MRNIP: variants seen among roughly 807,000 people sequenced by gnomAD.
MRNIP encodes the protein MRN complex interacting protein.
A neutral mutation model predicts 29.8 loss-of-function variants in MRNIP; 30 were observed. That is an observed-to-expected ratio of 1.01 (90% CI 0.75 to 1.36). The LOEUF is 1.36. Ranked by LOEUF, MRNIP falls within the 40% of genes most tolerant of loss-of-function variation. The probability of loss-of-function intolerance (pLI) is 0.00; values close to 1 mark genes in which losing one functional copy is unlikely to be tolerated. For synonymous variants in MRNIP, 201 were observed against 164.1 expected (o/e 1.23, Z -1.72); for missense variants, 459 against 423.5 (o/e 1.08, Z -0.74).
At chr5:179,856,623 A>C (rs1010459067) in intron 1 of MRNIP, among the ~76,000 whole-genome samples, 5 of 152,084 alleles carry the variant, frequency 3.3e-5, no homozygotes, top group Non-Finnish European at 7.4e-5. Context: ...GATGCGCGCC[A>C]CTACATCTAG....
rs13154890 is a variant in MRNIP at position 179,849,594 on chromosome 5, C to G, written c.127-1528G>C. Reference sequence around the variant, plus strand: ...GGTCCTGCTATGGCACAGGCAGATGCTACGAGACGGAATTTGAGAGCATGG... The same window carrying G: ...GGTCCTGCTATGGCACAGGCAGATGGTACGAGACGGAATTTGAGAGCATGG... On this transcript the variant is annotated intron_variant, in intron 2 of 6. Transcript: ENST00000292586. Among the ~76,000 whole-genome samples the G allele has an allele frequency of 5.9e-3, 416 of 71,040 alleles. No homozygotes were observed. In the Middle Eastern group the frequency reaches 0.064, roughly 11 times the overall value. 46.6% of individuals were successfully genotyped at this position (71,040 alleles called of 152,430 possible).
chr5:179,847,403 C>G (rs773141986), intron 3 of MRNIP: 1 of 152,616 alleles, frequency 6.6e-6, no homozygotes, highest in African/African-American at 2.4e-5. Context: ...CTCCTGACCT[C>G]GTGATCTGCC....
Position 179,848,183 on chromosome 5 carries a change from C to T in MRNIP, c.127-117G>A. On this transcript the variant is annotated intron_variant, in intron 2 of 6. Coordinates refer to ENST00000292586, the MANE Select transcript of MRNIP (RefSeq NM_016175.4). ...CTGTATTCTGCAAGGCCCAAAGACC[C>T]CTAAAGCAGCATGCAGGAATCCTAA... 2 of 756,032 alleles carry T rather than the reference C, an allele frequency of 2.6e-6. 1 individual carries two copies. The highest frequency in any genetic ancestry group is 4.7e-4 in the Middle Eastern group (2 of 4,294). 46.8% of individuals were successfully genotyped at this position (756,032 alleles called of 1,614,324 possible).
chr5:179,846,442 C>T (rs955507654), intron 3 of MRNIP, among the ~76,000 whole-genome samples: 9 of 152,190 alleles, frequency 5.9e-5, no homozygotes, highest in Admixed American at 2.0e-4. Flanking sequence ...CGCCACCACG[C>T]CCAGCTGATT....
rs142061446 is a variant in MRNIP, at chr5:179,837,441, G to T, written c.982C>A (p.Arg328=). ...VLEAQNPRPT[R]LCDLFITGED... is the part of the protein sequence containing the mutation. ...CCAGTTATAAAGAGGTCACATAGTC[G>T]TGTGGGTCGAGGATTCTGTGCCTCC... Residue 328 remains arginine (R), a synonymous_variant, in exon 7 of 7, where the codon CGA becomes AGA. Transcript: ENST00000292586. The T allele has an allele frequency of 1.9e-6, 3 of 1,610,516 alleles. No individual in the cohort carries two copies. In the African/African-American group the frequency reaches 4.0e-5, roughly 22 times the overall value.
At chr5:179,842,316 C>T (rs903804828) in intron 4 of MRNIP, among the ~76,000 whole-genome samples, 74 of 151,958 alleles carry the variant, frequency 4.9e-4, no homozygotes, top group African/African-American at 1.8e-3. Flanking sequence ...TGCTCCCTGG[C>T]CCAGTGATTC....
intron 4 of MRNIP, among the ~76,000 whole-genome samples, chr5:179,842,354 C>T (rs1483146205): frequency 3.3e-5 from 5 of 151,866 alleles, no homozygotes; most frequent in Non-Finnish European, 7.4e-5. Flanking sequence ...GGTGCCAGTC[C>T]CAGTCTTATA....
At chr5:179,853,084 G>T in intron 2 of MRNIP, 1 of 588,960 alleles carries the variant, frequency 1.7e-6, no homozygotes, top group Non-Finnish European at 2.9e-6. Context: ...CCACACAAGT[G>T]CATCTGTGAG....
intron 3 of MRNIP, chr5:179,845,778 G>T (rs1308879959): frequency 2.0e-5 from 3 of 152,154 alleles, no homozygotes; most frequent in Non-Finnish European, 2.9e-5. Flanking sequence ...TTATAGGTGT[G>T]AGCCACTGCA....
chr5:179,844,765 C>CAT (rs974531078), intron 3 of MRNIP, among the ~76,000 whole-genome samples: 6 of 152,106 alleles, frequency 3.9e-5, no homozygotes, highest in Non-Finnish European at 5.9e-5. Context: ...TTGTCCACTG[C>CAT]ATATATATAG....
At chr5:179,844,324 AG>A (rs771264538) in intron 3 of MRNIP, 97 bp from the exon 4 acceptor site, 3 of 970,332 alleles carry the variant, frequency 3.1e-6, no homozygotes, top group Non-Finnish European at 4.9e-6. Context: ...AGGCTGAGGC[AG>A]GTGGATCACC....
chr5:179,841,765 C>A (rs1040810276), intron 5 of MRNIP, 142 bp downstream of exon 5: 53 of 850,270 alleles, frequency 6.2e-5, no homozygotes, highest in Non-Finnish European at 8.7e-5. Flanking sequence ...GCAGTGGCAG[C>A]AGCTGCCCGA....
At chr5:179,855,011 T>A (rs998888207) in intron 1 of MRNIP, among the ~76,000 whole-genome samples, 4 of 152,238 alleles carry the variant, frequency 2.6e-5, no homozygotes, top group Non-Finnish European at 5.9e-5. Flanking sequence ...TTGTAAGATG[T>A]ATAAAAATTA....
intron 5 of MRNIP, 95 bp from the exon 6 acceptor site, chr5:179,841,054 A>G: frequency 1.2e-6 from 1 of 847,690 alleles, no homozygotes; most frequent in South Asian, 1.6e-5. Flanking sequence ...TCGGGTGGCC[A>G]CCTGCTTGTT....
At chr5:179,843,083 C>G (rs368505222) in intron 4 of MRNIP, among the ~76,000 whole-genome samples, 6,620 of 129,772 alleles carry the variant, frequency 0.051, 214 homozygotes, top group East Asian at 0.11. Flanking sequence ...GGGAGGGAGG[C>G]AGGCAAGCAG....
At chr5:179,856,331 C>T (rs1014361562) in intron 1 of MRNIP, among the ~76,000 whole-genome samples, 26 of 152,264 alleles carry the variant, frequency 1.7e-4, no homozygotes, top group Admixed American at 1.0e-3. Context: ...CCGTGTATTT[C>T]GGAATTCTCA....
intron 1 of MRNIP, among the ~76,000 whole-genome samples, chr5:179,855,907 GTTTTTT>G (rs1205010985): frequency 9.0e-6 from 1 of 111,040 alleles, no homozygotes; most frequent in Non-Finnish European, 1.8e-5. Context: ...AAGAAAAGTT[GTTTTTT>G]TTTTTTTTTT....
chr5:179,845,326 T>C (rs1252882345), intron 3 of MRNIP, among the ~76,000 whole-genome samples: 1 of 152,016 alleles, frequency 6.6e-6, no homozygotes, highest in African/African-American at 2.4e-5. Context: ...TTTTTGTATT[T>C]TTAGTAGAGA....
intron 5 of MRNIP, 46 bp downstream of exon 5, chr5:179,841,861 C>T: frequency 6.3e-7 from 1 of 1,596,466 alleles, no homozygotes; most frequent in Non-Finnish European, 8.5e-7. Context: ...CTGCTGGAGG[C>T]AGCAGAGGCC....
Sources: gnomAD v4.1 joint callset for allele counts (sites outside exome capture counted in the v4.1 genomes callset) on GRCh38, gnomAD v4.1.1 for gene constraint, MANE v1.5 for transcripts, NCBI Gene and HGNC (gene_info 2026-07-23, HGNC 2026-07-21) for gene names.